The following FAM107A variants were observed in gnomAD, a reference collection of about 807,000 sequenced individuals.
FAM107A encodes family with sequence similarity 107 member A.
FAM107A carries 19 observed loss-of-function variants against 13.7 expected under a neutral mutation model. The ratio of observed to expected loss-of-function variants is 1.38; its 90% CI spans 0.97 to 2.03. The LOEUF (loss-of-function observed/expected upper bound fraction) is 2.03. Ranked by LOEUF, FAM107A falls within the 30% of genes most tolerant of loss-of-function variation. FAM107A has a pLI of 0.00. For missense variants in FAM107A, 203 were observed against 184.4 expected (o/e 1.10, Z -0.58); for synonymous variants, 82 against 74.5 (o/e 1.10, Z -0.52).
At chr3:58,601,676 G>T (rs1388577545) in intron 1 of FAM107A, among the ~76,000 whole-genome samples, 1 of 152,126 alleles carries the variant, frequency 6.6e-6, no homozygotes, top group Non-Finnish European at 1.5e-5. Flanking sequence ...GGGATTTCTA[G>T]GTCAATGGCT....
At chr3:58,577,778 T>C, upstream of FAM107A, 1 of 977,802 alleles carries the variant, frequency 1.0e-6, no homozygotes, top group South Asian at 4.7e-5. This position sits in a 1 kb window ranked among gnomAD's most constrained non-coding sequence, Gnocchi z 4.9. Flanking sequence ...TGTGGATTCT[T>C]CAGGAGAAAA....
chr3:58,594,192 A>G (rs957403600), intron 1 of FAM107A, among the ~76,000 whole-genome samples: 9 of 152,200 alleles, frequency 5.9e-5, no homozygotes, highest in Non-Finnish European at 1.3e-4. Context: ...GTCAATACTG[A>G]CAAACGTAAA....
intron 1 of FAM107A, among the ~76,000 whole-genome samples, chr3:58,621,693 C>T (rs1416358826): frequency 6.6e-6 from 1 of 152,168 alleles, no homozygotes; most frequent in Non-Finnish European, 1.5e-5. Context: ...TAAACATCAC[C>T]CAGAGAGTGA....
intron 1 of FAM107A, among the ~76,000 whole-genome samples, chr3:58,601,321 A>G (rs1410102561): frequency 1.3e-5 from 2 of 152,322 alleles, no homozygotes; most frequent in East Asian, 3.9e-4. Flanking sequence ...GCATCTCTCC[A>G]GGAATTGTCT....
chr3:58,580,411 ATTTTTTTTT>A (rs35805159), upstream of FAM107A, among the ~76,000 whole-genome samples: 5 of 89,034 alleles, frequency 5.6e-5, no homozygotes, highest in Non-Finnish European at 8.7e-5. Flanking sequence ...AGGAATCTGG[ATTTTTTTTT>A]TTTTTTTTTT....
At chr3:58,585,957 A>G (rs1049134807) in intron 1 of FAM107A, among the ~76,000 whole-genome samples, 1 of 152,242 alleles carries the variant, frequency 6.6e-6, no homozygotes, top group South Asian at 2.1e-4. Flanking sequence ...AAACAAAAAG[A>G]TGGAAGAGAA....
intron 1 of FAM107A, among the ~76,000 whole-genome samples, chr3:58,575,762 A>G (rs947448398): frequency 1.2e-4 from 19 of 152,210 alleles, no homozygotes; most frequent in African/African-American, 3.9e-4. Flanking sequence ...GTGAAATGCA[A>G]ACTCTCACTG....
At chr3:58,577,773 A>G, upstream of FAM107A, 1 of 980,512 alleles carries the variant, frequency 1.0e-6, no homozygotes, top group Non-Finnish European at 1.2e-6. The surrounding 1 kb of genome is among the most constrained non-coding windows in gnomAD (Gnocchi z 4.9). Flanking sequence ...AGTGGTGTGG[A>G]TTCTTCAGGA....
rs375657618 is a variant in FAM107A at position 58,574,844 on chromosome 3, C to T, written c.-6+2465G>A. Among the ~76,000 whole-genome samples, 224 of 152,240 alleles carry T rather than the reference C, an allele frequency of 1.5e-3. 6 individuals are homozygous for T. The South Asian group carries it at 0.045, about 30-fold the overall frequency. On this transcript the variant is annotated intron_variant, in intron 1 of 3. Transcript: ENST00000360997. ...GCCACAGGCTCCACAGGATGTTGGC[C>T]CCACACCAGGCAAGGCTCAGCAGAG...
At chr3:58,591,584 G>T (rs1177202835), upstream of FAM107A, among the ~76,000 whole-genome samples, 1 of 152,154 alleles carries the variant, frequency 6.6e-6, no homozygotes, top group African/African-American at 2.4e-5. This position sits in a 1 kb window ranked among gnomAD's most constrained non-coding sequence, Gnocchi z 4.3. Flanking sequence ...GCTTCTGCAG[G>T]AACTGTTCCC....
At chr3:58,590,083 T>G (rs2065643620), upstream of FAM107A, among the ~76,000 whole-genome samples, 1 of 152,192 alleles carries the variant, frequency 6.6e-6, no homozygotes, top group African/African-American at 2.4e-5. Flanking sequence ...CCCTAATACA[T>G]TATATATTTT....
chr3:58,588,859 A>T (rs1302823363), upstream of FAM107A, among the ~76,000 whole-genome samples: 3 of 152,128 alleles, frequency 2.0e-5, no homozygotes, highest in Admixed American at 1.3e-4. Context: ...GGGTTTTGCC[A>T]TGTTGGTCTC....
chr3:58,586,992 G>A, exon 1 of FAM107A: 1 of 1,481,044 alleles, frequency 6.8e-7, no homozygotes, highest in Non-Finnish European at 8.9e-7. Context: ...GCGCACAGCA[G>A]GAGCGTAGTC....
intron 1 of FAM107A, among the ~76,000 whole-genome samples, chr3:58,570,583 C>CAGAGAGAGAGAGAGAGAGAGAGAGAGAG (rs371909507): frequency 1.1e-5 from 1 of 91,042 alleles, no homozygotes; most frequent in Non-Finnish European, 2.3e-5. Context: ...GCAAATACAG[C>CAGAGAGAGAGAGAGAGAGAGAGAGAGAG]AGAGAGAGAG....
intron 1 of FAM107A, among the ~76,000 whole-genome samples, chr3:58,593,977 C>A (rs4681694): frequency 6.6e-6 from 1 of 151,830 alleles, no homozygotes. Context: ...ACCCCTCCCC[C>A]CCACCATATT....
intron 1 of FAM107A, among the ~76,000 whole-genome samples, chr3:58,583,837 T>C (rs1575446056): frequency 6.6e-6 from 1 of 151,984 alleles, no homozygotes; most frequent in Admixed American, 6.6e-5. Context: ...TGCACCACCA[T>C]GCTGGGCTAA....
In FAM107A at chr3:58,617,620, C is replaced by G. The variant is rs111741375; in HGVS notation, c.-70+9796G>C. 6.6e-6 allele frequency among the ~76,000 whole-genome samples: 1 copy of G among 152,120 alleles called. No homozygotes were observed. The highest frequency in any genetic ancestry group is 1.5e-5 in the Non-Finnish European group (1 of 68,026). ...TGTTCTGAAAGCCGATCCCTGGGGC[C>G]CAGGGAGGGAGCTGCGTTTTTGGGT... is the stretch of plus-strand genomic sequence containing the variant. On this transcript the variant is annotated intron_variant, in intron 1 of 3. Transcript: ENST00000465970. This position sits in a 1 kb window ranked among gnomAD's most constrained non-coding sequence, Gnocchi z 4.5.
At chr3:58,568,200 C>G (rs902284157) in intron 2 of FAM107A, among the ~76,000 whole-genome samples, 1 of 151,922 alleles carries the variant, frequency 6.6e-6, no homozygotes, top group African/African-American at 2.4e-5. Context: ...TTTGGGAGGC[C>G]GAGGAGGGCG....
intron 1 of FAM107A, among the ~76,000 whole-genome samples, chr3:58,575,410 C>A (rs1366399870): frequency 6.6e-6 from 1 of 152,088 alleles, no homozygotes; most frequent in Non-Finnish European, 1.5e-5. Flanking sequence ...CTGAAGAAAC[C>A]CTGTGGTCAC....
Sources: gnomAD v4.1 joint callset for allele counts (sites outside exome capture counted in the v4.1 genomes callset) on GRCh38, gnomAD v4.1.1 for gene constraint, Gnocchi (gnomAD v3.1) non-coding constraint, MANE v1.5 for transcripts, NCBI Gene and HGNC (gene_info 2026-07-23, HGNC 2026-07-21) for gene names.